EFR3A: variants seen among roughly 807,000 people sequenced by gnomAD.
EFR3A encodes EFR3 homolog A, also known as protein EFR3 homolog A.
A neutral mutation model predicts 104.4 loss-of-function variants in EFR3A; 76 were observed. The ratio of observed to expected loss-of-function variants is 0.73; its 90% confidence interval spans 0.60 to 0.88. The LOEUF is 0.88. Among genes scored for constraint, EFR3A ranks in the 40% least tolerant of loss-of-function variants. The probability of loss-of-function intolerance (pLI) is 0.00; values close to 1 mark genes in which losing one functional copy is unlikely to be tolerated. For missense variants in EFR3A, 985 were observed against 1,012.5 expected, an observed-to-expected ratio of 0.97 and a Z score of 0.37; for synonymous variants, 330 against 330.0, an observed-to-expected ratio of 1.00 and a Z score of 0.00.
At chr8:131,958,834 A>C (rs1443454183) in intron 7 of EFR3A, among the ~76,000 whole-genome samples, 2 of 152,176 alleles carry the variant, frequency 1.3e-5, no homozygotes, top group Admixed American at 6.5e-5. Context: ...GCTACCACTT[A>C]TCAAGTGCTG....
intron 20 of EFR3A, among the ~76,000 whole-genome samples, 190 bp from the exon 21 acceptor site, chr8:132,002,413 T>G (rs950503299): frequency 1.3e-5 from 2 of 152,118 alleles, no homozygotes; most frequent in Admixed American, 6.5e-5. Context: ...TTTTGGGTTT[T>G]TGTGTGTGTG....
chr8:131,993,951 A>G (rs1821344266), intron 18 of EFR3A, among the ~76,000 whole-genome samples: 1 of 152,108 alleles, frequency 6.6e-6, no homozygotes, highest in Admixed American at 6.6e-5. Context: ...GGTGGGAGAA[A>G]GGAGAGCATC....
intron 8 of EFR3A, among the ~76,000 whole-genome samples, chr8:131,966,376 GTGCCAGTGCT>G (rs1201007599): frequency 6.6e-6 from 1 of 152,110 alleles, no homozygotes; most frequent in Non-Finnish European, 1.5e-5. Flanking sequence ...ACTTAGAAGA[GTGCCAGTGCT>G]TCTGGTCACT....
chr8:131,924,805 C>T (rs769109494), intron 1 of EFR3A, among the ~76,000 whole-genome samples: 12 of 152,044 alleles, frequency 7.9e-5, no homozygotes, highest in Non-Finnish European at 1.5e-4. Flanking sequence ...TGGCTGAGCT[C>T]GTCTTTTACA....
chr8:131,947,609 A>G lies in EFR3A; in HGVS notation c.366+976A>G, dbSNP rs150015825. On this transcript the variant is annotated intron_variant, in intron 4 of 22. Coordinates refer to ENST00000254624, the MANE Select transcript of EFR3A (RefSeq NM_015137.6). ...CAGGTATGCTTTCAGTTTCATATCT[A>G]AGAAACTATTGCCTAATCCAACATC... Among the ~76,000 whole-genome samples, 461 of 151,740 alleles carry G rather than the reference A, an allele frequency of 3.0e-3. 2 individuals carry two copies. The highest frequency in any genetic ancestry group is 6.8e-3 in the Middle Eastern group (2 of 294).
chr8:131,987,626 C>A lies in EFR3A; in HGVS notation c.1989C>A (p.Asn663Lys). ...KHEKDLYFLT[N>K]KIAESLGGSG... ...AAAAAGATTTGTACTTTCTGACCAA[C>A]AAGATTGCAGAGTCGCTAGGTGGAA... The change falls in exon 18 of 23, where the codon AAC becomes AAA. Residue 663 changes from asparagine to lysine, a missense_variant. By Grantham distance (94) the Asn-to-Lys change is moderately conservative. Transcript: ENST00000254624. The A allele has an allele frequency of 6.3e-7, 1 of 1,598,054 alleles. No homozygotes were observed. The highest frequency in any genetic ancestry group is 2.2e-5 in the East Asian group (1 of 44,554).
intron 1 of EFR3A, among the ~76,000 whole-genome samples, chr8:131,912,067 A>G (rs1488474715): frequency 2.0e-5 from 3 of 152,200 alleles, no homozygotes; most frequent in Non-Finnish European, 2.9e-5. Flanking sequence ...CCTTAGGGGA[A>G]AATGGGACTG....
At chr8:131,916,251 C>T (rs1816741123) in intron 1 of EFR3A, among the ~76,000 whole-genome samples, 1 of 152,120 alleles carries the variant, frequency 6.6e-6, no homozygotes, top group Non-Finnish European at 1.5e-5. Context: ...ATACAGTAGT[C>T]TAATTGGTGG....
At chr8:131,987,843 TTAC>T (rs757170982) in intron 18 of EFR3A, 141 bp downstream of exon 18, 19 of 859,800 alleles carry the variant, frequency 2.2e-5, no homozygotes, top group Non-Finnish European at 2.9e-5. Flanking sequence ...TTAAGAGTAT[TTAC>T]TTCTGTTTTT....
At chr8:131,988,733 G>A (rs2130769969) in intron 18 of EFR3A, among the ~76,000 whole-genome samples, 1 of 152,168 alleles carries the variant, frequency 6.6e-6, no homozygotes, top group South Asian at 2.1e-4. Context: ...CCAGGCACAA[G>A]CACAAAGGTA....
At position 131,949,958 on chromosome 8, in the gene EFR3A, G is replaced by T; in HGVS notation, c.367-11G>T. 3 of 1,578,352 alleles carry T rather than the reference G, an allele frequency of 1.9e-6. No homozygotes were observed. The highest frequency in any genetic ancestry group is 2.6e-6 in the Non-Finnish European group (3 of 1,163,866). ...GAAGGTGAAGTATATTATATTATTT[G>T]TGTTTTTTAGTTTGTCAAATTTGCA... On this transcript the variant is annotated splice_polypyrimidine_tract_variant and intron_variant, in intron 4 of 22. Transcript: ENST00000254624.
intron 1 of EFR3A, among the ~76,000 whole-genome samples, chr8:131,917,497 G>A (rs930522332): frequency 6.6e-6 from 1 of 152,228 alleles, no homozygotes; most frequent in Non-Finnish European, 1.5e-5. Flanking sequence ...AGATTAGAGA[G>A]GGTTGAGTAT....
intron 8 of EFR3A, among the ~76,000 whole-genome samples, chr8:131,966,991 A>G (rs922999531): frequency 1.3e-5 from 2 of 152,170 alleles, no homozygotes; most frequent in Admixed American, 1.3e-4. Flanking sequence ...GTACTTTATA[A>G]TTATTGATAA....
At chr8:131,996,997 G>T (rs1313718108) in intron 19 of EFR3A, among the ~76,000 whole-genome samples, 1 of 152,050 alleles carries the variant, frequency 6.6e-6, no homozygotes, top group Admixed American at 6.5e-5. Flanking sequence ...TAAGGATGTT[G>T]TTTAAGCTGT....
chr8:131,910,218 C>T (rs1347363980), intron 1 of EFR3A, among the ~76,000 whole-genome samples: 1 of 152,226 alleles, frequency 6.6e-6, no homozygotes, highest in Non-Finnish European at 1.5e-5. Flanking sequence ...TCTGCTTAGA[C>T]TCTGACTCTA....
At chr8:131,997,452 T>C (rs931894722) in intron 19 of EFR3A, among the ~76,000 whole-genome samples, 3 of 152,108 alleles carry the variant, frequency 2.0e-5, no homozygotes, top group African/African-American at 7.2e-5. Context: ...TTATGTTTTC[T>C]ATGCCATTCA....
At chr8:132,000,432 TG>T (rs1163758122) in intron 19 of EFR3A, among the ~76,000 whole-genome samples, 1 of 152,158 alleles carries the variant, frequency 6.6e-6, no homozygotes, top group African/African-American at 2.4e-5. Flanking sequence ...CTGGCCGACT[TG>T]GGGGTTCTTG....
chr8:131,943,866 A>T (rs1228730786), intron 2 of EFR3A, among the ~76,000 whole-genome samples: 2 of 151,984 alleles, frequency 1.3e-5, no homozygotes, highest in Non-Finnish European at 2.9e-5. Flanking sequence ...TCTGGGAAAG[A>T]GAAGAGCTCA....
intron 14 of EFR3A, among the ~76,000 whole-genome samples, chr8:131,983,541 T>G (rs1281363867): frequency 3.9e-5 from 6 of 152,142 alleles, no homozygotes; most frequent in Admixed American, 2.0e-4. Context: ...ATAATAATCT[T>G]TACTTAGATC....
Sources: allele counts gnomAD v4.1 joint callset (sites outside exome capture counted in the v4.1 genomes callset), GRCh38; gene constraint gnomAD v4.1.1; transcripts MANE v1.5; gene names NCBI Gene and HGNC (gene_info 2026-07-23, HGNC 2026-07-21).